The following DLGAP4 variants were observed in gnomAD, a reference collection of about 807,000 sequenced individuals.
DLGAP4 encodes the protein disks large-associated protein 4.
A neutral mutation model predicts 86.9 loss-of-function variants in DLGAP4; 18 were observed. That is an observed-to-expected ratio of 0.21 (90% CI 0.14 to 0.31). DLGAP4 has a LOEUF of 0.31. Among genes scored for constraint, DLGAP4 ranks in the 10% least tolerant of loss-of-function variants. DLGAP4 has a pLI of 1.00. For synonymous variants in DLGAP4, 548 were observed against 574.3 expected, an observed-to-expected ratio of 0.95 and a Z score of 0.65; for missense variants, 1,085 against 1,362.6, an observed-to-expected ratio of 0.80 and a Z score of 3.21.
intron 1 of DLGAP4, among the ~76,000 whole-genome samples, chr20:36,310,838 C>T (rs1410667098): frequency 2.0e-5 from 3 of 152,150 alleles, no homozygotes; most frequent in Non-Finnish European, 4.4e-5. Context: ...TGCTGGAGAG[C>T]AAACTCACTG....
At chr20:36,412,450 T>G (rs2032525645) in intron 2 of DLGAP4, among the ~76,000 whole-genome samples, 1 of 152,202 alleles carries the variant, frequency 6.6e-6, no homozygotes, top group African/African-American at 2.4e-5. Flanking sequence ...CAACTGGACA[T>G]TGTCTCCTGA....
In DLGAP4 at chr20:36,353,734, C is replaced by T. The variant is rs952264586; in HGVS notation, c.-303-13311C>T. Among the ~76,000 whole-genome samples the T allele has an allele frequency of 6.6e-5, 10 of 152,268 alleles. No homozygotes were observed. The Middle Eastern group carries it at 0.01, about 155-fold the overall frequency. ...AACTCTGAGGAACTTAGGGGACCAGCGGAGGAAGAGGAGCCGGCAAAGGCA... is the reference window on the plus strand; with the variant it reads ...AACTCTGAGGAACTTAGGGGACCAGTGGAGGAAGAGGAGCCGGCAAAGGCA... On this transcript the variant is annotated intron_variant, in intron 1 of 12. Coordinates refer to ENST00000339266, the MANE Select transcript of DLGAP4 (RefSeq NM_001365621.2).
rs149653104 is a variant in DLGAP4 at position 36,481,350 on chromosome 20, G to A, written c.1649-15355G>A. On this transcript the variant is annotated intron_variant, in intron 7 of 12. Transcript: ENST00000339266. ...TACATGTGTATTTGACAGTCTTTTA[G>A]GTATTTGAGGACAGTAGCCATGCCC... Among the ~76,000 whole-genome samples, 400 of 152,284 alleles carry A rather than the reference G, an allele frequency of 2.6e-3. 1 individual carries two copies. Among genetic ancestry groups the A allele is most frequent in the Middle Eastern group, 6.8e-3 (2 of 294 alleles).
intron 1 of DLGAP4, among the ~76,000 whole-genome samples, chr20:36,357,419 C>T (rs2147397816): frequency 6.6e-6 from 1 of 152,326 alleles, no homozygotes; most frequent in African/African-American, 2.4e-5. Flanking sequence ...TCAGGGCTCC[C>T]ATAAGCCCTT....
At chr20:36,520,587 T>TA (rs1336616761) in intron 10 of DLGAP4, among the ~76,000 whole-genome samples, 2 of 152,180 alleles carry the variant, frequency 1.3e-5, no homozygotes, top group Admixed American at 6.5e-5. Context: ...CCTCAAGTGA[T>TA]ACACCCACCT....
intron 7 of DLGAP4, among the ~76,000 whole-genome samples, chr20:36,455,014 C>T (rs1450605118): frequency 4.6e-5 from 7 of 152,144 alleles, no homozygotes; most frequent in Non-Finnish European, 7.4e-5. Context: ...GCTATGGATG[C>T]GTGCCCCTCC....
intron 6 of DLGAP4, among the ~76,000 whole-genome samples, chr20:36,445,137 A>G (rs1352237739): frequency 6.6e-6 from 1 of 151,914 alleles, no homozygotes; most frequent in Non-Finnish European, 1.5e-5. Context: ...CTGGGGTCCC[A>G]CTATGTTGCC....
chr20:36,525,692 G>A, intron 11 of DLGAP4, 159 bp from the exon 12 acceptor site: 1 of 956,136 alleles, frequency 1.0e-6, no homozygotes, highest in Non-Finnish European at 1.5e-6. Context: ...GACCAGAACT[G>A]GCTTAGATTC....
chr20:36,437,856 C>T (rs2033331971), intron 4 of DLGAP4, among the ~76,000 whole-genome samples: 2 of 152,162 alleles, frequency 1.3e-5, no homozygotes, highest in Non-Finnish European at 2.9e-5. Flanking sequence ...GAATTAAGGA[C>T]ACCACCAGAC....
rs2032912072 is a variant in DLGAP4, at chr20:36,424,255, G to A, written c.-72-7391G>A. ...TCAGCGAATCCCATAGGGAGCTCTG[G>A]AACTGGGATGGCCCTTTAGGGTTGT... On this transcript the variant is annotated intron_variant, in intron 2 of 12. Coordinates refer to ENST00000339266, the MANE Select transcript of DLGAP4 (RefSeq NM_001365621.2). 2.0e-5 allele frequency among the ~76,000 whole-genome samples: 3 copies of A among 152,210 alleles called. No individual in the cohort carries two copies. The South Asian group carries it at 6.2e-4, about 31-fold the overall frequency.
chr20:36,409,956 C>T (rs1310778787), intron 2 of DLGAP4, among the ~76,000 whole-genome samples: 6 of 151,398 alleles, frequency 4.0e-5, no homozygotes, highest in Admixed American at 2.0e-4. Context: ...ATGGCATGAA[C>T]CCGGGAGGCG....
chr20:36,320,429 C>T (rs1239410131), intron 1 of DLGAP4, among the ~76,000 whole-genome samples: 3 of 151,990 alleles, frequency 2.0e-5, no homozygotes, highest in African/African-American at 7.2e-5. Flanking sequence ...GCCAGGCCCA[C>T]ACTGACCCTT....
At chr20:36,453,442 G>C (rs913355923) in intron 7 of DLGAP4, among the ~76,000 whole-genome samples, 4 of 152,082 alleles carry the variant, frequency 2.6e-5, no homozygotes, top group Admixed American at 2.6e-4. Context: ...TTGAGCCCAG[G>C]AGTTCAAGAT....
At chr20:36,510,466 T>G (rs2036628397) in intron 10 of DLGAP4, among the ~76,000 whole-genome samples, 1 of 151,998 alleles carries the variant, frequency 6.6e-6, no homozygotes, top group Admixed American at 6.5e-5. Context: ...GGTTTCGCCA[T>G]GTTGGCCAAG....
chr20:36,471,235 T>G (rs2034648914), intron 7 of DLGAP4, among the ~76,000 whole-genome samples: 1 of 152,162 alleles, frequency 6.6e-6, no homozygotes, highest in Non-Finnish European at 1.5e-5. Context: ...ATGCCTGTAA[T>G]CCCAGCATTT....
chr20:36,441,716 T>G (rs934083759), intron 5 of DLGAP4, among the ~76,000 whole-genome samples: 1 of 151,996 alleles, frequency 6.6e-6, no homozygotes, highest in African/African-American at 2.4e-5. Flanking sequence ...TCTTCCTGTC[T>G]GTGTCTGTCT....
At chr20:36,514,162 G>GGA (rs1555915436) in intron 10 of DLGAP4, among the ~76,000 whole-genome samples, 27 of 152,018 alleles carry the variant, frequency 1.8e-4, no homozygotes, top group African/African-American at 5.1e-4. Flanking sequence ...CGTTCTCAAG[G>GGA]GAGAATCCAG....
At chr20:36,398,777 C>A (rs958517881) in intron 2 of DLGAP4, among the ~76,000 whole-genome samples, 1 of 152,200 alleles carries the variant, frequency 6.6e-6, no homozygotes, top group Non-Finnish European at 1.5e-5. Context: ...TGGAAGTCAG[C>A]CAGATACAGT....
At chr20:36,485,931 A>G (rs1569515832) in intron 7 of DLGAP4, among the ~76,000 whole-genome samples, 1 of 152,068 alleles carries the variant, frequency 6.6e-6, no homozygotes, top group Non-Finnish European at 1.5e-5. Context: ...CCACAGCTTC[A>G]TTGCCCAGCT....
Sources: allele counts gnomAD v4.1 joint callset (sites outside exome capture counted in the v4.1 genomes callset), GRCh38; gene constraint gnomAD v4.1.1; transcripts MANE v1.5; gene names NCBI Gene and HGNC (gene_info 2026-07-23, HGNC 2026-07-21).